The following SMIM14 variants were observed in gnomAD, a reference collection of about 807,000 sequenced individuals.
The protein encoded by SMIM14 is chromosome 4 open reading frame 34.
A neutral mutation model predicts 12.6 loss-of-function variants in SMIM14; 5 were observed. The ratio of observed to expected loss-of-function variants is 0.40; its 90% CI spans 0.21 to 0.83. SMIM14 has a LOEUF of 0.83. Ranked by LOEUF, SMIM14 falls within the 40% of genes least tolerant of loss-of-function variation. The pLI, the probability that SMIM14 is intolerant of heterozygous loss-of-function variation, is 0.37. For synonymous variants in SMIM14, 30 were observed against 40.1 expected (o/e 0.75, Z 0.95); for missense variants, 86 against 119.1 (o/e 0.72, Z 1.29).
At chr4:39,564,488 G>A (rs1273033871) in intron 3 of SMIM14, among the ~76,000 whole-genome samples, 4 of 152,108 alleles carry the variant, frequency 2.6e-5, no homozygotes, top group African/African-American at 9.7e-5. Flanking sequence ...ATGGTCAACT[G>A]GTAAATGAAT....
At chr4:39,597,339 T>A (rs1232132021) in intron 2 of SMIM14, among the ~76,000 whole-genome samples, 3 of 152,090 alleles carry the variant, frequency 2.0e-5, no homozygotes, top group Non-Finnish European at 4.4e-5. Context: ...GGAATTAAAC[T>A]GGACTTTAGC....
intron 2 of SMIM14, chr4:39,594,135 G>C (rs906902432): frequency 1.3e-5 from 2 of 151,772 alleles, no homozygotes; most frequent in South Asian, 2.1e-4. Context: ...AGGCATCACG[G>C]TACCTGACTT....
chr4:39,552,310 T>C, intron 4 of SMIM14, 152 bp from the exon 5 acceptor site: 1 of 528,260 alleles, frequency 1.9e-6, no homozygotes. Context: ...CCCCCAACCA[T>C]CCCATCCCAA....
chr4:39,566,025 C>T (rs370920326), intron 3 of SMIM14, among the ~76,000 whole-genome samples: 8 of 151,754 alleles, frequency 5.3e-5, no homozygotes, highest in South Asian at 4.2e-4. Flanking sequence ...CCTTTTCTTT[C>T]GTAAATTGCC....
intron 1 of SMIM14, among the ~76,000 whole-genome samples, chr4:39,613,963 G>A (rs1392849685): frequency 1.3e-5 from 2 of 152,050 alleles, no homozygotes; most frequent in African/African-American, 4.8e-5. Context: ...GGCCGAGGTG[G>A]GTAGATCACC....
intron 3 of SMIM14, among the ~76,000 whole-genome samples, chr4:39,562,117 T>C (rs964048342): frequency 6.6e-6 from 1 of 151,792 alleles, no homozygotes; most frequent in Admixed American, 6.6e-5. Flanking sequence ...CTCATGGCTG[T>C]GATCTCAGCA....
chr4:39,600,926 T>C (rs1408103273), intron 2 of SMIM14, among the ~76,000 whole-genome samples: 1 of 152,010 alleles, frequency 6.6e-6, no homozygotes, highest in East Asian at 1.9e-4. Flanking sequence ...AAATTGTGAA[T>C]AAATACAATT....
At position 39,556,442 on chromosome 4, in the gene SMIM14, T is replaced by C. The variant is rs776610942; in HGVS notation, c.253A>G (p.Thr85Ala). 3.1e-6 allele frequency: 5 copies of C among 1,612,070 alleles called. No individual in the cohort carries two copies. The highest frequency in any genetic ancestry group is 2.2e-5 in the East Asian group (1 of 44,858). The change falls in exon 4 of 5, where the codon ACC (threonine) becomes GCC (alanine). Residue 85 changes from threonine (T) to alanine (A), a missense_variant. Thr to Ala is a moderately conservative substitution (Grantham distance 58). Transcript: ENST00000295958. ...GCAACACTTACATTATGAGGACTGG[T>C]TGGCTTTCCAGGTAGGCTGGATCCT... ...LRGSSLPGKP[T>A]SPHNGQDPPA...
chr4:39,610,639 G>A (rs1170337002), intron 1 of SMIM14, among the ~76,000 whole-genome samples: 3 of 150,154 alleles, frequency 2.0e-5, no homozygotes, highest in African/African-American at 7.4e-5. Flanking sequence ...AGACCATAGT[G>A]AGCTATGATC....
intron 1 of SMIM14, among the ~76,000 whole-genome samples, chr4:39,614,625 A>G (rs1038869936): frequency 6.6e-6 from 1 of 152,096 alleles, no homozygotes; most frequent in Non-Finnish European, 1.5e-5. Flanking sequence ...CCCGGCCCCT[A>G]TGCTACTTTT....
intron 2 of SMIM14, among the ~76,000 whole-genome samples, chr4:39,580,271 C>T (rs1684714756): frequency 6.6e-6 from 1 of 152,070 alleles, no homozygotes; most frequent in African/African-American, 2.4e-5. Context: ...CTTGACCTCC[C>T]AGGCTGATGT....
chr4:39,562,382 C>CCAAA (rs113037747), intron 3 of SMIM14, among the ~76,000 whole-genome samples: 181 of 151,774 alleles, frequency 1.2e-3, no homozygotes, highest in African/African-American at 3.2e-3. Flanking sequence ...GTCTCAACCC[C>CCAAA]CAAACAAACA....
chr4:39,605,093 G>GC lies in SMIM14; in HGVS notation c.52dup (p.Ala18GlyfsTer31). 1 of 1,607,314 alleles carries GC rather than the reference G, an allele frequency of 6.2e-7. No homozygotes were observed. Among genetic ancestry groups the GC allele is most frequent in the Non-Finnish European group, 8.5e-7 (1 of 1,176,102 alleles). ...CACCAGATTGATCAGTCTTCTCATT[G>GC]CATGTTCATGAGAGCAAACACATTC... On this transcript the variant is annotated frameshift_variant, in exon 2 of 5. Coordinates refer to ENST00000295958, the MANE Select transcript of SMIM14 (RefSeq NM_174921.3). LOFTEE classifies it high-confidence loss of function.
intron 2 of SMIM14, among the ~76,000 whole-genome samples, chr4:39,602,469 C>T (rs936664578): frequency 9.9e-5 from 15 of 152,042 alleles, no homozygotes; most frequent in African/African-American, 3.6e-4. Flanking sequence ...GTGGCAGGCG[C>T]CTGTAATTCC....
intron 3 of SMIM14, among the ~76,000 whole-genome samples, chr4:39,565,855 A>C (rs895943692): frequency 3.3e-5 from 5 of 151,882 alleles, no homozygotes; most frequent in African/African-American, 1.2e-4. Flanking sequence ...CGCTCTTCTC[A>C]TGATAGTAAA....
intron 2 of SMIM14, chr4:39,589,803 G>A (rs1713967247): frequency 6.6e-6 from 1 of 152,140 alleles, no homozygotes; most frequent in African/African-American, 2.4e-5. Flanking sequence ...AGCACTTTGG[G>A]AGGCCGAGGT....
chr4:39,566,521 G>A (rs1430106102), intron 3 of SMIM14, among the ~76,000 whole-genome samples: 2 of 152,110 alleles, frequency 1.3e-5, no homozygotes, highest in African/African-American at 4.8e-5. Flanking sequence ...CAGACGCACC[G>A]AGAAAGAAGA....
chr4:39,585,323 T>G (rs1713732739), intron 2 of SMIM14, among the ~76,000 whole-genome samples: 1 of 151,662 alleles, frequency 6.6e-6, no homozygotes. Context: ...AGAGACAGAG[T>G]TTTGCTCTTG....
chr4:39,629,610 C>T (rs1715832330), intron 1 of SMIM14, among the ~76,000 whole-genome samples: 1 of 151,224 alleles, frequency 6.6e-6, no homozygotes, highest in South Asian at 2.1e-4. Context: ...AATGGCTTCG[C>T]TTATAAATGT....
Sources: allele counts gnomAD v4.1 joint callset (sites outside exome capture counted in the v4.1 genomes callset), GRCh38; gene constraint gnomAD v4.1.1; transcripts MANE v1.5; gene names NCBI Gene and HGNC (gene_info 2026-07-23, HGNC 2026-07-21).